The following EXTL3 variants were observed in gnomAD, a reference collection of about 807,000 sequenced individuals.
EXTL3 encodes exostosin like glycosyltransferase 3, also known as exostosin-like 3.
Under a neutral mutation model 69.3 loss-of-function variants are expected in EXTL3, and 27 were observed. The observed-to-expected ratio is 0.39, with a 90% confidence interval of 0.29 to 0.54. The LOEUF (loss-of-function observed/expected upper bound fraction) is 0.54. EXTL3 is among the 20% of genes least tolerant of loss of function. The pLI is 0.69. For missense variants in EXTL3, 1,003 were observed against 1,231.8 expected, an observed-to-expected ratio of 0.81 and a Z score of 2.78; for synonymous variants, 511 against 499.4, an observed-to-expected ratio of 1.02 and a Z score of -0.31.
intron 1 of EXTL3, among the ~76,000 whole-genome samples, chr8:28,709,035 G>A (rs904285236): frequency 6.6e-6 from 1 of 152,182 alleles, no homozygotes; most frequent in South Asian, 2.1e-4. Context: ...TGATAGGCAT[G>A]TGTGTGTGTG....
intron 2 of EXTL3, among the ~76,000 whole-genome samples, chr8:28,616,043 T>G (rs977028604): frequency 1.3e-4 from 20 of 151,730 alleles, no homozygotes; most frequent in Middle Eastern, 6.8e-3. Flanking sequence ...GAGACCAACT[T>G]GGGCAATATA....
chr8:28,608,794 G>A (rs1029097220), intron 2 of EXTL3, among the ~76,000 whole-genome samples: 7 of 152,028 alleles, frequency 4.6e-5, no homozygotes, highest in African/African-American at 1.7e-4. Context: ...AGCTCAGGAG[G>A]CAGAGGTTCA....
chr8:28,732,550 A>C (rs924051647), intron 4 of EXTL3, among the ~76,000 whole-genome samples: 2 of 151,918 alleles, frequency 1.3e-5, no homozygotes, highest in African/African-American at 2.4e-5. Flanking sequence ...GCCACTCCCA[A>C]TTTTTCTCCA....
intron 2 of EXTL3, among the ~76,000 whole-genome samples, chr8:28,714,164 T>C (rs183352431): frequency 3.9e-5 from 6 of 152,212 alleles, no homozygotes; most frequent in African/African-American, 1.4e-4. Context: ...CCTCGGCCTC[T>C]CAAAGTGCTG....
chr8:28,735,353 G>C (rs922093362), intron 4 of EXTL3, among the ~76,000 whole-genome samples: 6 of 152,298 alleles, frequency 3.9e-5, no homozygotes, highest in Admixed American at 2.6e-4. Context: ...AAGGAGCCCA[G>C]CTTTAAGGAG....
At chr8:28,668,949 C>T (rs1391294507) in intron 1 of EXTL3, among the ~76,000 whole-genome samples, 11 of 146,464 alleles carry the variant, frequency 7.5e-5, no homozygotes, top group Non-Finnish European at 1.5e-4. Flanking sequence ...CTGCAACCTC[C>T]GTCTCCTGGG....
intron 1 of EXTL3, among the ~76,000 whole-genome samples, chr8:28,625,492 T>G (rs1200507810): frequency 6.6e-6 from 1 of 152,210 alleles, no homozygotes; most frequent in African/African-American, 2.4e-5. Context: ...TTTTAAATAA[T>G]AGTCATGTAA....
chr8:28,638,898 T>A (rs1045326492), intron 1 of EXTL3, among the ~76,000 whole-genome samples: 1 of 151,938 alleles, frequency 6.6e-6, no homozygotes, highest in African/African-American at 2.4e-5. Flanking sequence ...CCCAAAATAC[T>A]GGGATTACAG....
At chr8:28,665,603 G>A (rs745481089) in intron 1 of EXTL3, among the ~76,000 whole-genome samples, 7 of 151,498 alleles carry the variant, frequency 4.6e-5, no homozygotes, top group Admixed American at 6.6e-5. Context: ...GTAGAGATGC[G>A]GTCTCACCAT....
At chr8:28,698,826 T>C (rs1265612747), upstream of EXTL3, among the ~76,000 whole-genome samples, 1 of 152,152 alleles carries the variant, frequency 6.6e-6, no homozygotes, top group Admixed American at 6.5e-5. Context: ...AAACCCTGTC[T>C]CTACTAAAAA....
At chr8:28,682,000 G>A (rs1048863614) in intron 1 of EXTL3, among the ~76,000 whole-genome samples, 1 of 151,982 alleles carries the variant, frequency 6.6e-6, no homozygotes, top group Admixed American at 6.5e-5. Flanking sequence ...TGGAGGTTGC[G>A]GTGAGCTGAG....
Position 28,716,247 on chromosome 8 carries a change from G to A in EXTL3, c.188G>A (p.Arg63Gln), listed in dbSNP as rs376529517. The stretch of plus-strand genomic sequence containing the variant: ...GATGAGGCTGATGAGGCAGGCAAGC[G>A]GATTTTTGGTCCCCGGGTGGGGAAC... ...TLDEADEAGK[R>Q]IFGPRVGNEL... The change falls in exon 3 of 7, where the codon CGG becomes CAG. Residue 63 changes from arginine to glutamine, a missense_variant. Around this residue, in one of 2 missense-constraint regions of EXTL3, gnomAD observed 742 missense variants for 815.4 expected, o/e 0.91. Coordinates refer to ENST00000220562, the MANE Select transcript of EXTL3 (RefSeq NM_001440.4). This position sits in a 1 kb window ranked among gnomAD's most constrained non-coding sequence, Gnocchi z 7.1. 6.8e-6 allele frequency: 11 copies of A among 1,614,088 alleles called. No homozygotes were observed. The highest frequency in any genetic ancestry group is 1.6e-4 in the Middle Eastern group (1 of 6,084).
chr8:28,669,311 A>G (rs1807248337), intron 1 of EXTL3, among the ~76,000 whole-genome samples: 1 of 152,140 alleles, frequency 6.6e-6, no homozygotes, highest in African/African-American at 2.4e-5. Flanking sequence ...CCATTGGAAC[A>G]CTCTTTCTTA....
intron 1 of EXTL3, among the ~76,000 whole-genome samples, chr8:28,681,400 T>C (rs2856803): frequency 0.99 from 150,570 of 151,948 alleles, 74,609 homozygotes; most frequent in East Asian, 1. Context: ...TGTCTGTAAT[T>C]CCAGCTATTC....
intron 5 of EXTL3, 107 bp from the exon 6 acceptor site, chr8:28,742,979 A>G: frequency 8.4e-7 from 1 of 1,193,066 alleles, no homozygotes; most frequent in South Asian, 1.2e-5. Context: ...AATACCTCCT[A>G]GTTACTGCCA....
At chr8:28,734,999 G>A (rs1412794950) in intron 4 of EXTL3, among the ~76,000 whole-genome samples, 3 of 152,006 alleles carry the variant, frequency 2.0e-5, no homozygotes, top group Admixed American at 2.0e-4. Flanking sequence ...CCCCCACCCA[G>A]CCTCTCACAT....
chr8:28,692,361 G>A (rs571372774), intron 1 of EXTL3, among the ~76,000 whole-genome samples: 3 of 152,262 alleles, frequency 2.0e-5, no homozygotes, highest in Non-Finnish European at 2.9e-5. Context: ...ATTGTGTTCT[G>A]GGATTGACTT....
intron 1 of EXTL3, chr8:28,678,234 A>T (rs1660045056): frequency 6.6e-6 from 1 of 152,294 alleles, no homozygotes; most frequent in Non-Finnish European, 1.5e-5. Context: ...CATCGATCAC[A>T]CACTGAATTG....
chr8:28,710,280 CA>C (rs1801006869), intron 1 of EXTL3: 2 of 326,402 alleles, frequency 6.1e-6, no homozygotes, highest in South Asian at 4.8e-5. Flanking sequence ...GTCAGCCAAT[CA>C]GGGGGCTAAG....
Sources: allele counts gnomAD v4.1 joint callset (sites outside exome capture counted in the v4.1 genomes callset), GRCh38; gene constraint gnomAD v4.1.1; regional missense constraint gnomAD v4.1.1; non-coding constraint Gnocchi (gnomAD v3.1); transcripts MANE v1.5; gene names NCBI Gene and HGNC (gene_info 2026-07-23, HGNC 2026-07-21).